The following PVR variants were observed in gnomAD, a reference collection of about 807,000 sequenced individuals.
PVR encodes poliovirus receptor.
Under a neutral mutation model 43.3 loss-of-function variants are expected in PVR, and 39 were observed. The ratio of observed to expected loss-of-function variants is 0.90; its 90% CI spans 0.70 to 1.18. The LOEUF is 1.18. Among genes scored for constraint, PVR ranks in the 50% most tolerant of loss-of-function variants. PVR has a pLI of 0.00. For synonymous variants in PVR, 224 were observed against 233.2 expected, an observed-to-expected ratio of 0.96 and a Z score of 0.36; for missense variants, 480 against 549.7, an observed-to-expected ratio of 0.87 and a Z score of 1.27.
At position 44,647,298 on chromosome 19, in the gene PVR, A is replaced by G. The variant is rs1260093923; in HGVS notation, c.155A>G (p.Gln52Arg). Residue 52 changes from glutamine to arginine, a missense_variant, in exon 2 of 8, where the codon CAG (glutamine) becomes CGG (arginine). Coordinates refer to ENST00000425690, the MANE Select transcript of PVR (RefSeq NM_006505.5). ...GDSVTLPCYLQVPNMEVTHVS... is the reference protein window; with the variant it reads ...GDSVTLPCYLRVPNMEVTHVS... ...TCCGTGACGCTGCCCTGCTACCTAC[A>G]GGTGCCCAACATGGAGGTGACGCAT... The G allele has an allele frequency of 6.3e-7, 1 of 1,598,456 alleles. No individual in the cohort carries two copies.
intron 4 of PVR, among the ~76,000 whole-genome samples, chr19:44,655,209 T>C (rs1178589828): frequency 1.3e-5 from 2 of 152,036 alleles, no homozygotes; most frequent in Non-Finnish European, 1.5e-5. Context: ...CTCAGCCTCC[T>C]GAGTAGCTGG....
intron 6 of PVR, among the ~76,000 whole-genome samples, chr19:44,660,314 T>C (rs1484794979): frequency 2.0e-5 from 3 of 152,190 alleles, no homozygotes; most frequent in Non-Finnish European, 4.4e-5. Flanking sequence ...GATGTCACCA[T>C]AGGCAAATAG....
intron 1 of PVR, 67 bp downstream of exon 1, chr19:44,644,242 T>C: frequency 7.7e-7 from 1 of 1,294,878 alleles, no homozygotes. Context: ...GGCCGGGTAC[T>C]CGCCCCCTTG....
rs1246719843 is a variant in PVR at position 44,647,495 on chromosome 19, G to A, written c.352G>A (p.Glu118Lys). The A allele has an allele frequency of 6.2e-7, 1 of 1,614,012 alleles. No individual in the cohort carries two copies. The highest frequency in any genetic ancestry group is 2.2e-5 in the East Asian group (1 of 44,884). The change falls in exon 2 of 8, where the codon GAA (glutamate) becomes AAA (lysine). Residue 118 changes from glutamate to lysine, a missense_variant. By Grantham distance (56) the Glu-to-Lys change is moderately conservative. Coordinates refer to ENST00000425690, the MANE Select transcript of PVR (RefSeq NM_006505.5). ...GATGTTCGGGTTGCGCGTAGAGGAT[G>A]AAGGCAACTACACCTGCCTGTTCGT... is the stretch of plus-strand genomic sequence containing the variant. ...LRMFGLRVED[E>K]GNYTCLFVTF...
intron 6 of PVR, among the ~76,000 whole-genome samples, chr19:44,660,128 G>T (rs1973555759): frequency 6.6e-6 from 1 of 152,150 alleles, no homozygotes; most frequent in Non-Finnish European, 1.5e-5. Context: ...AGTGGACTGT[G>T]AGCCCCAAGA....
intron 1 of PVR, among the ~76,000 whole-genome samples, chr19:44,645,107 TA>T (rs1227702303): frequency 9.6e-5 from 7 of 72,706 alleles, no homozygotes; most frequent in African/African-American, 3.5e-4. Flanking sequence ...ATATATATTA[TA>T]GTAATATATA....
chr19:44,659,190 T>C, intron 6 of PVR: 1 of 357,342 alleles, frequency 2.8e-6, no homozygotes, highest in Non-Finnish European at 5.0e-6. Context: ...GGTGAAATAA[T>C]GCTTAAGCCC....
chr19:44,645,548 C>G (rs905903041), intron 1 of PVR, among the ~76,000 whole-genome samples: 1 of 149,292 alleles, frequency 6.7e-6, no homozygotes, highest in Non-Finnish European at 1.5e-5. Context: ...ATTGCAAACT[C>G]GACTTCCCAG....
chr19:44,658,591 G>T (rs1265472982), intron 5 of PVR, 151 bp from the exon 6 acceptor site: 3 of 663,698 alleles, frequency 4.5e-6, no homozygotes, highest in African/African-American at 3.6e-5. Context: ...TCCCATTCTG[G>T]GCACCAGAGG....
At chr19:44,651,645 C>T (rs1047161658) in intron 3 of PVR, among the ~76,000 whole-genome samples, 3 of 152,288 alleles carry the variant, frequency 2.0e-5, no homozygotes, top group Non-Finnish European at 4.4e-5. Context: ...CACTGGCCTC[C>T]TTGTGTTCTG....
At chr19:44,647,650 A>T in intron 2 of PVR, 80 bp downstream of exon 2, 2 of 1,043,130 alleles carry the variant, frequency 1.9e-6, no homozygotes, top group Middle Eastern at 2.4e-4. Flanking sequence ...AAGAGCGGGG[A>T]GGCCTGGGAG....
intron 4 of PVR, 21 bp from the exon 5 acceptor site, chr19:44,657,741 T>G (rs762298965): frequency 3.1e-6 from 5 of 1,613,654 alleles, no homozygotes; most frequent in Middle Eastern, 1.7e-4. Context: ...GGCCACCTCC[T>G]CACCTTTCTG....
In PVR at chr19:44,656,952, GAC is replaced by G. The variant is rs1432794114; in HGVS notation, c.843-808_843-807del. On this transcript the variant is annotated intron_variant, in intron 4 of 7. Coordinates refer to ENST00000425690, the MANE Select transcript of PVR (RefSeq NM_006505.5). ...GGTGCCACTGCACTCCAGCCTGGGT[GAC>G]AGAGTGAGACGCTGTCTCAAAAAAA... is the stretch of plus-strand genomic sequence containing the variant. 3.3e-5 allele frequency among the ~76,000 whole-genome samples: 5 copies of G among 151,992 alleles called. No individual in the cohort carries two copies. The East Asian group carries it at 9.6e-4, about 29-fold the overall frequency.
chr19:44,652,308 T>C (rs1458499088), intron 3 of PVR, among the ~76,000 whole-genome samples: 1 of 152,048 alleles, frequency 6.6e-6, no homozygotes, highest in African/African-American at 2.4e-5. Flanking sequence ...TCCTCCCACC[T>C]CAGCCTCAGT....
At chr19:44,657,446 G>C (rs1047866707) in intron 4 of PVR, among the ~76,000 whole-genome samples, 2 of 152,210 alleles carry the variant, frequency 1.3e-5, no homozygotes, top group Non-Finnish European at 2.9e-5. Flanking sequence ...GAACAGACGA[G>C]GGGGCGAGGG....
At chr19:44,644,476 A>G (rs1396172658) in intron 1 of PVR, among the ~76,000 whole-genome samples, 3 of 152,030 alleles carry the variant, frequency 2.0e-5, no homozygotes, top group Non-Finnish European at 4.4e-5. Flanking sequence ...GGGTGAGGAA[A>G]TTTCCCAAAA....
At position 44,657,903 on chromosome 19, in the gene PVR, G is replaced by C; in HGVS notation, c.984G>C (p.Gln328His). Residue 328 changes from glutamine (Q) to histidine (H), a missense_variant, in exon 5 of 8, where the codon CAG becomes CAC. Transcript: ENST00000425690. ...CTCGCCAGGCAGAACTGACCGTCCA[G>C]GTCAAAGGTGAGGAACTCCCTGGGT... ...LGARQAELTV[Q>H]VKEGPPSEHS... 6.2e-7 allele frequency: 1 copy of C among 1,613,274 alleles called. No homozygotes were observed. The highest frequency in any genetic ancestry group is 1.3e-5 in the African/African-American group (1 of 74,980).
At chr19:44,655,829 T>C (rs1425147110) in intron 4 of PVR, among the ~76,000 whole-genome samples, 1 of 151,480 alleles carries the variant, frequency 6.6e-6, no homozygotes, top group African/African-American at 2.4e-5. Flanking sequence ...CCATCAATCA[T>C]ATTATGCATT....
chr19:44,651,342 A>G (rs17714931), intron 3 of PVR, among the ~76,000 whole-genome samples: 4,232 of 152,092 alleles, frequency 0.028, 77 homozygotes, highest in Middle Eastern at 0.051. Flanking sequence ...TAAACACCCC[A>G]CTTTTTCTAC....
Sources: gnomAD v4.1 joint callset for allele counts (sites outside exome capture counted in the v4.1 genomes callset) on GRCh38, gnomAD v4.1.1 for gene constraint, MANE v1.5 for transcripts, NCBI Gene and HGNC (gene_info 2026-07-23, HGNC 2026-07-21) for gene names.